TMEM243: variants seen among roughly 807,000 people sequenced by gnomAD.
The protein encoded by TMEM243 is MDR1 and mitochondrial taxol resistance associated.
Under a neutral mutation model 15.0 loss-of-function variants are expected in TMEM243, and 20 were observed. The observed-to-expected ratio is 1.33, with a 90% CI of 0.94 to 1.93. The LOEUF is 1.93. Among genes scored for constraint, TMEM243 ranks in the 30% most tolerant of loss-of-function variants. The pLI is 0.00. For missense variants in TMEM243, 156 were observed against 142.1 expected, an observed-to-expected ratio of 1.10 and a Z score of -0.50; for synonymous variants, 72 against 52.7, an observed-to-expected ratio of 1.37 and a Z score of -1.59.
At chr7:87,197,897 C>T (rs770226884) in intron 3 of TMEM243, 44 bp downstream of exon 3, 2 of 1,612,188 alleles carry the variant, frequency 1.2e-6, no homozygotes, top group African/African-American at 1.3e-5. Flanking sequence ...TGCATTGCAA[C>T]TTAAACCCTC....
rs1185679976 is a variant in TMEM243 at position 87,210,671 on chromosome 7, G to A, written c.78+8755C>T. 2.6e-5 allele frequency among the ~76,000 whole-genome samples: 4 copies of A among 152,204 alleles called. No individual in the cohort carries two copies. In the East Asian group the frequency reaches 7.7e-4, roughly 29 times the overall value. ...TCTAGGCCACACTAATGCAAGGAGTGGGCTCCTAAGGCCTTGAGCAACTCC... is the reference window on the plus strand; with the variant it reads ...TCTAGGCCACACTAATGCAAGGAGTAGGCTCCTAAGGCCTTGAGCAACTCC... On this transcript the variant is annotated intron_variant, in intron 1 of 3. Coordinates refer to ENST00000257637, the MANE Select transcript of TMEM243 (RefSeq NM_024315.4).
At chr7:87,202,381 G>A (rs1801882296) in intron 1 of TMEM243, among the ~76,000 whole-genome samples, 1 of 152,156 alleles carries the variant, frequency 6.6e-6, no homozygotes, top group African/African-American at 2.4e-5. Flanking sequence ...AAATCAATGG[G>A]ACAAATGGAG....
Position 87,196,646 on chromosome 7 carries a change from A to T in TMEM243, c.347T>A (p.Val116Glu), listed in dbSNP as rs375970235. The change falls in exon 4 of 4, where the codon GTG (valine) becomes GAG (glutamate). Residue 116 changes from valine to glutamate, a missense_variant. Val to Glu is a moderately radical substitution (Grantham distance 121). Coordinates refer to ENST00000257637, the MANE Select transcript of TMEM243 (RefSeq NM_024315.4). ...TTCTCCTTGGCAGCCTCACCTTCCC[A>T]CATCATGGAAGTACAGGTTTGCACA... ...CICANLYFHD[V>E]GR The T allele has an allele frequency of 8.9e-5, 143 of 1,608,442 alleles. No homozygotes were observed. Among genetic ancestry groups the T allele is most frequent in the Non-Finnish European group, 1.2e-4 (138 of 1,177,636 alleles).
At position 87,219,491 on chromosome 7, in the gene TMEM243, C is replaced by T; in HGVS notation, c.13G>A (p.Ala5Thr). 7 of 1,614,220 alleles carry T rather than the reference C, an allele frequency of 4.3e-6. No homozygotes were observed. Among genetic ancestry groups the T allele is most frequent in the Non-Finnish European group, 5.9e-6 (7 of 1,180,028 alleles). MEDFATRTYGTSGLD... is the reference protein window; with the variant it reads MEDFTTRTYGTSGLD... ...CCACTGGTGCCGTAGGTCCTGGTAGCAAAGTCCTCCATTTTGGGGTTTCTT... is the reference window on the plus strand; with the variant it reads ...CCACTGGTGCCGTAGGTCCTGGTAGTAAAGTCCTCCATTTTGGGGTTTCTT... Residue 5 changes from alanine (A) to threonine (T), a missense_variant, in exon 1 of 4, where the codon GCT (alanine) becomes ACT (threonine). Physicochemically the swap from Ala to Thr is moderately conservative, Grantham distance 58. Coordinates refer to ENST00000257637, the MANE Select transcript of TMEM243 (RefSeq NM_024315.4).
chr7:87,209,637 C>A (rs1406414437), intron 1 of TMEM243, among the ~76,000 whole-genome samples: 1,289 of 91,830 alleles, frequency 0.014, 44 homozygotes, highest in East Asian at 0.032. Flanking sequence ...AGATAGAGAG[C>A]GAGAGAGACA....
intron 1 of TMEM243, chr7:87,216,887 C>T (rs888878347): frequency 6.6e-6 from 1 of 152,136 alleles, no homozygotes; most frequent in African/African-American, 2.4e-5. Context: ...GAAGCATTAC[C>T]AGAGGAAACT....
chr7:87,206,906 T>C (rs536872258), intron 1 of TMEM243, among the ~76,000 whole-genome samples: 2 of 152,324 alleles, frequency 1.3e-5, no homozygotes, highest in Non-Finnish European at 2.9e-5. Flanking sequence ...GTAGAGACCA[T>C]TCATCTCATC....
chr7:87,198,723 T>G, intron 2 of TMEM243: 2 of 460,204 alleles, frequency 4.3e-6, no homozygotes, highest in Non-Finnish European at 7.7e-6. Context: ...TTATGGTAGA[T>G]GACAGAAGGA....
At chr7:87,197,793 TATTGAGAATTCTAACATACTTTTAGG>T (rs1199799682) in intron 3 of TMEM243, 122 bp downstream of exon 3, 1 of 1,519,034 alleles carries the variant, frequency 6.6e-7, no homozygotes, top group South Asian at 1.2e-5. Flanking sequence ...ACTCAGATTT[TATTGAGAATTCTAACATACTTTTAGG>T]GGGAGGATGA....
At chr7:87,196,911 G>GA (rs1301220396) in intron 3 of TMEM243, among the ~76,000 whole-genome samples, 153 bp from the exon 4 acceptor site, 2 of 151,614 alleles carry the variant, frequency 1.3e-5, no homozygotes, top group Non-Finnish European at 3.0e-5. Flanking sequence ...AGTACAGCCA[G>GA]AATTTAATTC....
chr7:87,209,470 CAGAG>C (rs752287712), intron 1 of TMEM243, among the ~76,000 whole-genome samples: 7 of 137,166 alleles, frequency 5.1e-5, no homozygotes, highest in African/African-American at 1.4e-4. Context: ...CAGAGTGAGA[CAGAG>C]AGTGAGATAG....
At chr7:87,202,277 G>A (rs908054652) in intron 1 of TMEM243, among the ~76,000 whole-genome samples, 1 of 152,162 alleles carries the variant, frequency 6.6e-6, no homozygotes, top group Non-Finnish European at 1.5e-5. Context: ...TCAAAACCCT[G>A]AGGAAGACTA....
At position 87,197,958 on chromosome 7, in the gene TMEM243, T is replaced by A. The variant is rs761672828; in HGVS notation, c.217A>T (p.Ile73Phe). Reference sequence around the variant, plus strand: ...GTACTTACAAGTATGCAGGCAGTAATACTACTCAAAGAGATGCAGACAGCA... The same window carrying A: ...GTACTTACAAGTATGCAGGCAGTAAAACTACTCAAAGAGATGCAGACAGCA... Reference protein sequence around the residue: ...FFAVCISLSSITACILIYWYR... With the variant: ...FFAVCISLSSFTACILIYWYR... The change falls in exon 3 of 4, where the codon ATT becomes TTT. Residue 73 changes from isoleucine to phenylalanine, a missense_variant. By Grantham distance (21) the Ile-to-Phe change is conservative (BLOSUM62 0). Transcript: ENST00000257637. 3.1e-6 allele frequency: 5 copies of A among 1,613,128 alleles called. No individual in the cohort carries two copies. The highest frequency in any genetic ancestry group is 4.2e-6 in the Non-Finnish European group (5 of 1,179,390).
At chr7:87,216,324 T>TA (rs1296270392) in intron 1 of TMEM243, among the ~76,000 whole-genome samples, 1 of 148,510 alleles carries the variant, frequency 6.7e-6, no homozygotes, top group African/African-American at 2.5e-5. Context: ...AAGGCGCCTA[T>TA]AGTCCCAGCT....
chr7:87,219,302 G>T, intron 1 of TMEM243, 124 bp downstream of exon 1: 2 of 851,144 alleles, frequency 2.3e-6, no homozygotes, highest in Non-Finnish European at 3.9e-6. Flanking sequence ...AAGTGGGATT[G>T]CAGAACCAGC....
chr7:87,218,445 G>C (rs1007346653), intron 1 of TMEM243, among the ~76,000 whole-genome samples: 1 of 152,194 alleles, frequency 6.6e-6, no homozygotes, highest in Non-Finnish European at 1.5e-5. Context: ...CTATTCCCCA[G>C]ACTGCCAGGT....
chr7:87,210,806 C>A (rs567181993), intron 1 of TMEM243, among the ~76,000 whole-genome samples: 1 of 152,356 alleles, frequency 6.6e-6, no homozygotes, highest in Admixed American at 6.5e-5. Context: ...ACGGCTCCCC[C>A]TTGCAGCAGA....
In TMEM243 at chr7:87,196,894, T is replaced by C; in HGVS notation, c.235-136A>G. On this transcript the variant is annotated intron_variant, in intron 3 of 3. Coordinates refer to ENST00000257637, the MANE Select transcript of TMEM243 (RefSeq NM_024315.4). ...CCATATTCTGAGGTCTCTACATTCC[T>C]GAGATCAGTACAGCCAGAATTTAAT... 6 of 614,284 alleles carry C rather than the reference T, an allele frequency of 9.8e-6. No individual in the cohort carries two copies. The South Asian group carries it at 1.3e-4, about 13-fold the overall frequency. 38.1% of individuals were successfully genotyped at this position (614,284 alleles called of 1,614,324 possible). A position where few individuals can be genotyped will look rare whatever the true frequency, so the allele number is the denominator to read the frequency against.
intron 1 of TMEM243, among the ~76,000 whole-genome samples, chr7:87,212,956 C>T (rs1015679534): frequency 6.6e-6 from 1 of 152,170 alleles, no homozygotes; most frequent in Non-Finnish European, 1.5e-5. Context: ...TCTTTGACAG[C>T]CAGGCTCACA....
Sources: gnomAD v4.1 joint callset for allele counts (sites outside exome capture counted in the v4.1 genomes callset) on GRCh38, gnomAD v4.1.1 for gene constraint, MANE v1.5 for transcripts, NCBI Gene and HGNC (gene_info 2026-07-23, HGNC 2026-07-21) for gene names.